The following SLC5A1 variants were observed in gnomAD, a reference collection of about 807,000 sequenced individuals.
SLC5A1 encodes solute carrier family 5 member 1.
SLC5A1 carries 42 observed loss-of-function variants against 73.5 expected under a neutral mutation model. The ratio of observed to expected loss-of-function variants is 0.57; its 90% CI spans 0.45 to 0.74. The LOEUF (loss-of-function observed/expected upper bound fraction) is 0.74. SLC5A1 is among the 30% of genes least tolerant of loss of function. SLC5A1 has a pLI of 0.00. For synonymous variants in SLC5A1, 300 were observed against 317.4 expected, an observed-to-expected ratio of 0.95 and a Z score of 0.58; for missense variants, 634 against 855.4, an observed-to-expected ratio of 0.74 and a Z score of 3.23.
At chr22:32,093,152 A>G (rs2094020783) in intron 11 of SLC5A1, among the ~76,000 whole-genome samples, 1 of 152,100 alleles carries the variant, frequency 6.6e-6, no homozygotes, top group Admixed American at 6.6e-5. Context: ...ATTCTGTTTC[A>G]TTAGTCTCTG....
intron 3 of SLC5A1, 86 bp downstream of exon 3, chr22:32,067,125 G>C (rs559902889): frequency 8.8e-7 from 1 of 1,134,368 alleles, no homozygotes; most frequent in Admixed American, 1.8e-5. Context: ...AGGAGCTGAA[G>C]ATGTTAGGGA....
In SLC5A1 at chr22:32,055,317, A is replaced by T. The variant is rs576373018; in HGVS notation, c.207+5303A>T. On this transcript the variant is annotated intron_variant, in intron 2 of 14. Transcript: ENST00000266088. The stretch of plus-strand genomic sequence containing the variant: ...GCCTAAATATTTACTAGAGTCTCAG[A>T]AATAAAATACTCTGAATATAGGAGC... 1.6e-4 allele frequency among the ~76,000 whole-genome samples: 25 copies of T among 152,334 alleles called. No homozygotes were observed. The South Asian group carries it at 5.2e-3, about 32-fold the overall frequency.
chr22:32,053,087 T>C (rs1286940541), intron 2 of SLC5A1, among the ~76,000 whole-genome samples: 3 of 152,214 alleles, frequency 2.0e-5, no homozygotes, highest in African/African-American at 7.2e-5. Flanking sequence ...CAGCCCACAC[T>C]GGACTCCTTG....
intron 2 of SLC5A1, 83 bp downstream of exon 2, chr22:32,050,097 G>A (rs1293350409): frequency 1.6e-6 from 2 of 1,244,406 alleles, no homozygotes; most frequent in Non-Finnish European, 2.4e-6. Flanking sequence ...GGCTTTGGGT[G>A]GTGGTGATTC....
intron 2 of SLC5A1, among the ~76,000 whole-genome samples, chr22:32,060,494 G>A (rs1022039332): frequency 2.6e-4 from 40 of 151,990 alleles, no homozygotes; most frequent in African/African-American, 8.2e-4. Context: ...TGTGCCCAGC[G>A]GGTAACAGAT....
At chr22:32,091,091 T>C (rs756933420) in intron 10 of SLC5A1, among the ~76,000 whole-genome samples, 4 of 152,040 alleles carry the variant, frequency 2.6e-5, no homozygotes, top group African/African-American at 9.7e-5. Context: ...CATTTTATTA[T>C]TGAATTTTAG....
chr22:32,079,439 G>A (rs1443804780), intron 5 of SLC5A1, among the ~76,000 whole-genome samples: 1 of 152,184 alleles, frequency 6.6e-6, no homozygotes, highest in Non-Finnish European at 1.5e-5. Flanking sequence ...ACTTTTATTA[G>A]CCCAACACTT....
At chr22:32,102,972 T>C (rs1289886792) in intron 13 of SLC5A1, among the ~76,000 whole-genome samples, 2 of 152,254 alleles carry the variant, frequency 1.3e-5, no homozygotes, top group African/African-American at 2.4e-5. Flanking sequence ...CATTCATTTG[T>C]CAGTGGACAC....
At chr22:32,078,954 C>CAGAAAAAAAAAAAAAAAAAAAAAAAA (rs1412133108) in intron 5 of SLC5A1, among the ~76,000 whole-genome samples, 1 of 109,116 alleles carries the variant, frequency 9.2e-6, no homozygotes, top group African/African-American at 4.4e-5. Flanking sequence ...ACTCTGTCTC[C>CAGAAAAAAAAAAAAAAAAAAAAAAAA]AAAAAAAAAA....
At chr22:32,102,375 G>C (rs2094038196) in intron 13 of SLC5A1, 138 bp downstream of exon 13, 1 of 701,574 alleles carries the variant, frequency 1.4e-6, no homozygotes, top group African/African-American at 1.8e-5. Context: ...TTTGATACAG[G>C]CATACAATAT....
chr22:32,101,626 T>C (rs1447564643), intron 12 of SLC5A1, among the ~76,000 whole-genome samples: 1 of 152,240 alleles, frequency 6.6e-6, no homozygotes, highest in Admixed American at 6.5e-5. Flanking sequence ...CATCTGAATA[T>C]GCCTAAATCT....
chr22:32,049,174 T>TATA (rs1569298723), intron 1 of SLC5A1, among the ~76,000 whole-genome samples: 89 of 7,102 alleles, frequency 0.013, no homozygotes, highest in South Asian at 0.045. Flanking sequence ...TCTATATCTA[T>TATA]ATCTATATCT....
intron 1 of SLC5A1, among the ~76,000 whole-genome samples, chr22:32,046,932 C>T (rs555163288): frequency 6.6e-6 from 1 of 152,320 alleles, no homozygotes; most frequent in East Asian, 1.9e-4. Context: ...TTCCTTTGAG[C>T]CTCTTGTGCT....
At position 32,084,887 on chromosome 22, in the gene SLC5A1, C is replaced by G; in HGVS notation, c.886-13C>G. ...TGGTCTGCACACCTCCCTTACTGGG[C>G]TTTTTCTGGCAGGTCATTGTGCAGC... On this transcript the variant is annotated splice_polypyrimidine_tract_variant and intron_variant, in intron 8 of 14. Coordinates refer to ENST00000266088, the MANE Select transcript of SLC5A1 (RefSeq NM_000343.4). 6.2e-7 allele frequency: 1 copy of G among 1,613,970 alleles called. No individual in the cohort carries two copies. The highest frequency in any genetic ancestry group is 1.1e-5 in the South Asian group (1 of 91,068).
At chr22:32,071,200 C>G (rs2093982351) in intron 5 of SLC5A1, among the ~76,000 whole-genome samples, 1 of 152,072 alleles carries the variant, frequency 6.6e-6, no homozygotes, top group Non-Finnish European at 1.5e-5. Context: ...GCCTGTAATC[C>G]CAGCACTTTG....
chr22:32,094,092 G>GAT (rs2094022555), intron 11 of SLC5A1, among the ~76,000 whole-genome samples: 1 of 152,138 alleles, frequency 6.6e-6, no homozygotes, highest in Non-Finnish European at 1.5e-5. Flanking sequence ...TGTCTGTTGA[G>GAT]ATGATCATGT....
intron 2 of SLC5A1, among the ~76,000 whole-genome samples, chr22:32,053,946 A>G (rs1009860236): frequency 3.3e-5 from 5 of 152,170 alleles, no homozygotes; most frequent in Non-Finnish European, 4.4e-5. Context: ...AGGCCGAGGC[A>G]GGCAGATCGC....
At chr22:32,098,329 A>G (rs1294142039) in intron 11 of SLC5A1, among the ~76,000 whole-genome samples, 1 of 152,206 alleles carries the variant, frequency 6.6e-6, no homozygotes, top group Non-Finnish European at 1.5e-5. Flanking sequence ...ACTGGTGTGT[A>G]TGTCATGTGA....
chr22:32,058,312 A>G (rs1321400732), intron 2 of SLC5A1, among the ~76,000 whole-genome samples: 1 of 152,254 alleles, frequency 6.6e-6, no homozygotes, highest in Admixed American at 6.5e-5. Context: ...GCTTGAGGTC[A>G]GGAGTTTGAG....
Sources: allele counts gnomAD v4.1 joint callset (sites outside exome capture counted in the v4.1 genomes callset), GRCh38; gene constraint gnomAD v4.1.1; transcripts MANE v1.5; gene names NCBI Gene and HGNC (gene_info 2026-07-23, HGNC 2026-07-21).